The following PCDH15 variants were observed in gnomAD, a reference collection of about 807,000 sequenced individuals.
PCDH15 encodes protocadherin related 15.
PCDH15 carries 129 observed loss-of-function variants against 178.5 expected under a neutral mutation model. The observed-to-expected ratio is 0.72, with a 90% confidence interval of 0.63 to 0.84. PCDH15 has a LOEUF of 0.84. PCDH15 is among the 40% of genes least tolerant of loss of function. The pLI is 0.00. For missense variants in PCDH15, 2,230 were observed against 2,099.9 expected, an observed-to-expected ratio of 1.06 and a Z score of -1.21; for synonymous variants, 800 against 732.0, an observed-to-expected ratio of 1.09 and a Z score of -1.50.
At chr10:54,940,207 TG>T (rs1191546317) in intron 2 of PCDH15, among the ~76,000 whole-genome samples, 1 of 152,198 alleles carries the variant, frequency 6.6e-6, no homozygotes, top group Non-Finnish European at 1.5e-5. Context: ...TGGGTTTCAC[TG>T]TATCGTATAA....
At chr10:55,367,931 G>A (rs1229364100) in intron 2 of PCDH15, among the ~76,000 whole-genome samples, 2 of 151,994 alleles carry the variant, frequency 1.3e-5, no homozygotes, top group African/African-American at 4.8e-5. Flanking sequence ...CCAAATACAG[G>A]ATTTCTCAAG....
chr10:54,984,837 CA>C (rs535914311), intron 2 of PCDH15, among the ~76,000 whole-genome samples: 1 of 152,074 alleles, frequency 6.6e-6, no homozygotes, highest in African/African-American at 2.4e-5. Flanking sequence ...ATCTTGTCTC[CA>C]AAAAAATTTT....
chr10:54,754,776 T>C (rs1199178853), intron 1 of PCDH15, among the ~76,000 whole-genome samples: 1 of 152,122 alleles, frequency 6.6e-6, no homozygotes, highest in Non-Finnish European at 1.5e-5. Context: ...CCAATTATAA[T>C]GTGCTGCTGC....
chr10:54,566,104 A>T (rs1304238793), intron 2 of PCDH15, among the ~76,000 whole-genome samples: 1 of 152,168 alleles, frequency 6.6e-6, no homozygotes, highest in South Asian at 2.1e-4. Flanking sequence ...ATACATACAT[A>T]CATACATAAA....
At chr10:54,133,890 TATAC>T (rs2042662999) in intron 14 of PCDH15, among the ~76,000 whole-genome samples, 2 of 140,600 alleles carry the variant, frequency 1.4e-5, no homozygotes, top group African/African-American at 5.0e-5. Flanking sequence ...TATACACATA[TATAC>T]ACACACATAT....
chr10:54,958,461 A>G (rs571900998), intron 2 of PCDH15, among the ~76,000 whole-genome samples: 9 of 152,010 alleles, frequency 5.9e-5, no homozygotes, highest in Middle Eastern at 3.4e-3. Context: ...ACAAAAGATA[A>G]AACCCAAAAT....
intron 8 of PCDH15, among the ~76,000 whole-genome samples, chr10:54,250,368 T>G (rs1439966416): frequency 1.4e-5 from 2 of 147,962 alleles, no homozygotes; most frequent in Non-Finnish European, 3.0e-5. Flanking sequence ...CTGCAAGCTC[T>G]GCCTCCCGGG....
At chr10:55,282,779 G>A (rs778339362) in intron 1 of PCDH15, among the ~76,000 whole-genome samples, 16 of 152,144 alleles carry the variant, frequency 1.1e-4, no homozygotes, top group Non-Finnish European at 1.2e-4. Context: ...TTAAGCGAGA[G>A]CTTTCAATAA....
chr10:54,369,045 T>A, intron 5 of PCDH15, 75 bp downstream of exon 5: 1 of 1,487,788 alleles, frequency 6.7e-7, no homozygotes, highest in Non-Finnish European at 9.3e-7. Flanking sequence ...AAGGAATCAT[T>A]TATAAACATT....
chr10:54,573,663 G>A (rs1239492116), intron 2 of PCDH15, among the ~76,000 whole-genome samples: 1 of 149,200 alleles, frequency 6.7e-6, no homozygotes, highest in African/African-American at 2.5e-5. Flanking sequence ...ATAAGTCAAT[G>A]TCTAGGTCAC....
intron 3 of PCDH15, among the ~76,000 whole-genome samples, chr10:54,418,149 A>T (rs529341837): frequency 6.6e-6 from 1 of 152,072 alleles, no homozygotes; most frequent in East Asian, 1.9e-4. Flanking sequence ...GAAAATCAGG[A>T]TAATATTTTG....
intron 2 of PCDH15, among the ~76,000 whole-genome samples, chr10:55,149,301 A>T (rs1249789015): frequency 6.6e-6 from 1 of 151,858 alleles, no homozygotes; most frequent in Non-Finnish European, 1.5e-5. Flanking sequence ...TTATTTAATA[A>T]TTTTTACATA....
chr10:55,391,673 A>G (rs1837796851), intron 2 of PCDH15, among the ~76,000 whole-genome samples: 1 of 152,062 alleles, frequency 6.6e-6, no homozygotes, highest in African/African-American at 2.4e-5. Context: ...TATTTAGTAG[A>G]GACAAGGTTT....
At chr10:55,520,299 G>GTATA (rs750692237) in intron 2 of PCDH15, among the ~76,000 whole-genome samples, 1 of 71,540 alleles carries the variant, frequency 1.4e-5, no homozygotes, top group African/African-American at 6.7e-5. Context: ...CACGCAATAT[G>GTATA]TATATATATA....
At chr10:54,219,695 A>C (rs952253507) in intron 9 of PCDH15, among the ~76,000 whole-genome samples, 1 of 151,812 alleles carries the variant, frequency 6.6e-6, no homozygotes, top group Non-Finnish European at 1.5e-5. Context: ...CTTTCCGAGA[A>C]AAACAAAAAC....
chr10:53,832,036 AACTCTGTATTTGTT>A (rs1158173222), intron 29 of PCDH15, among the ~76,000 whole-genome samples: 264 of 152,050 alleles, frequency 1.7e-3, no homozygotes, highest in African/African-American at 6.1e-3. Context: ...TTCAGACTCA[AACTCTGTATTTGTT>A]TGCCATAACA....
At chr10:54,315,220 A>C (rs1273928289) in intron 8 of PCDH15, among the ~76,000 whole-genome samples, 3 of 152,138 alleles carry the variant, frequency 2.0e-5, no homozygotes, top group Non-Finnish European at 4.4e-5. Flanking sequence ...CTTTTTAATA[A>C]TAGTCATTTT....
intron 2 of PCDH15, among the ~76,000 whole-genome samples, chr10:55,510,664 C>T (rs1189436943): frequency 6.6e-6 from 1 of 151,708 alleles, no homozygotes; most frequent in Non-Finnish European, 1.5e-5. Context: ...GTTTAAAATT[C>T]AAAAGTAAAA....
intron 1 of PCDH15, among the ~76,000 whole-genome samples, chr10:55,253,748 G>GT (rs567589343): frequency 5.9e-5 from 9 of 152,104 alleles, no homozygotes; most frequent in Non-Finnish European, 1.3e-4. Flanking sequence ...AATACAGTTT[G>GT]TGGCTACATT....
Sources: allele counts gnomAD v4.1 joint callset (sites outside exome capture counted in the v4.1 genomes callset), GRCh38; gene constraint gnomAD v4.1.1; transcripts MANE v1.5; gene names NCBI Gene and HGNC (gene_info 2026-07-23, HGNC 2026-07-21).